The following TNFSF4 variants were observed in gnomAD, a reference collection of about 807,000 sequenced individuals.
TNFSF4 encodes the protein tumor necrosis factor ligand superfamily member 4.
TNFSF4 carries 4 observed loss-of-function variants against 7.3 expected under a neutral mutation model. The ratio of observed to expected loss-of-function variants is 0.55; its 90% confidence interval spans 0.27 to 1.25. The LOEUF (loss-of-function observed/expected upper bound fraction) is 1.25. Ranked by LOEUF, TNFSF4 falls within the 50% of genes most tolerant of loss-of-function variation. The pLI is 0.12. For missense variants in TNFSF4, 181 were observed against 208.8 expected, an observed-to-expected ratio of 0.87 and a Z score of 0.82; for synonymous variants, 76 against 83.7, an observed-to-expected ratio of 0.91 and a Z score of 0.50.
chr1:173,229,250 A>G, the TNFSF4 span, among the ~76,000 whole-genome samples: 2 of 152,238 alleles, frequency 1.3e-5, no homozygotes, highest in Non-Finnish European at 1.5e-5. Context: ...GAAACAATAC[A>G]AGCCAGAAGA....
At chr1:173,266,185 G>C in the TNFSF4 span, among the ~76,000 whole-genome samples, 3 of 152,254 alleles carry the variant, frequency 2.0e-5, no homozygotes, top group East Asian at 5.8e-4. Context: ...AGAATGTGAA[G>C]GATGAGTATG....
chr1:173,323,849 AT>A, the TNFSF4 span, among the ~76,000 whole-genome samples: 1 of 152,246 alleles, frequency 6.6e-6, no homozygotes, highest in South Asian at 2.1e-4. Flanking sequence ...CCTGCAAGAA[AT>A]ATGGGACTAT....
At chr1:173,387,706 T>C in the TNFSF4 span, among the ~76,000 whole-genome samples, 25 of 152,142 alleles carry the variant, frequency 1.6e-4, no homozygotes, top group Non-Finnish European at 8.8e-5. Context: ...GGCTAAAATA[T>C]CAGGTTTTTA....
At chr1:173,245,934 T>G in the TNFSF4 span, among the ~76,000 whole-genome samples, 3 of 152,270 alleles carry the variant, frequency 2.0e-5, no homozygotes, top group African/African-American at 7.2e-5. Flanking sequence ...ATTTTGTTGC[T>G]GAATAGTATT....
the TNFSF4 span, among the ~76,000 whole-genome samples, chr1:173,341,846 T>C: frequency 1.3e-5 from 2 of 152,128 alleles, no homozygotes; most frequent in Admixed American, 1.3e-4. Context: ...ACCTTACCAT[T>C]TCCTACCCTA....
At chr1:173,361,178 T>A in the TNFSF4 span, among the ~76,000 whole-genome samples, 1 of 152,182 alleles carries the variant, frequency 6.6e-6, no homozygotes, top group African/African-American at 2.4e-5. Context: ...AAACTGCCTT[T>A]TAAAATAGGT....
chr1:173,259,296 C>A, the TNFSF4 span, among the ~76,000 whole-genome samples: 1 of 148,924 alleles, frequency 6.7e-6, no homozygotes, highest in Non-Finnish European at 1.5e-5. Context: ...CAGAAAGCAA[C>A]AACAACAACA....
At chr1:173,421,833 T>A in the TNFSF4 span, among the ~76,000 whole-genome samples, 6 of 152,182 alleles carry the variant, frequency 3.9e-5, no homozygotes, top group Non-Finnish European at 4.4e-5. Flanking sequence ...TACAGTAATT[T>A]AGAACTACGC....
chr1:173,199,778 AT>A (rs1649861830), intron 1 of TNFSF4, among the ~76,000 whole-genome samples: 1 of 152,188 alleles, frequency 6.6e-6, no homozygotes, highest in South Asian at 2.1e-4. Context: ...CACTTAAGTA[AT>A]TCTTTGAATC....
At chr1:173,188,492 G>C (rs1649327144) in intron 2 of TNFSF4, 29 bp downstream of exon 2, 1 of 1,541,156 alleles carries the variant, frequency 6.5e-7, no homozygotes, top group Non-Finnish European at 9.0e-7. Context: ...TCAAAAATAT[G>C]AATCAATTAA....
the TNFSF4 span, among the ~76,000 whole-genome samples, chr1:173,310,020 T>G: frequency 6.6e-6 from 1 of 151,934 alleles, no homozygotes; most frequent in Non-Finnish European, 1.5e-5. Flanking sequence ...TCTGTACTAA[T>G]GTCACCTTTT....
At chr1:173,435,177 T>A in the TNFSF4 span, among the ~76,000 whole-genome samples, 1 of 152,086 alleles carries the variant, frequency 6.6e-6, no homozygotes. Context: ...AACCCCTATA[T>A]AGATGGACCC....
chr1:173,424,876 T>C, the TNFSF4 span, among the ~76,000 whole-genome samples: 6 of 152,230 alleles, frequency 3.9e-5, no homozygotes, highest in African/African-American at 1.4e-4. Flanking sequence ...TGAGCCTCAG[T>C]TGCTTCATCT....
the TNFSF4 span, among the ~76,000 whole-genome samples, chr1:173,401,013 T>C: frequency 6.9e-6 from 1 of 145,200 alleles, no homozygotes; most frequent in Non-Finnish European, 1.5e-5. Flanking sequence ...AATACAATTG[T>C]GTGTGTGCAT....
chr1:173,379,465 C>G, the TNFSF4 span, among the ~76,000 whole-genome samples: 1 of 152,292 alleles, frequency 6.6e-6, no homozygotes. Flanking sequence ...CCTCAAGTGG[C>G]TACAGAAGGC....
At chr1:173,412,613 A>C in the TNFSF4 span, among the ~76,000 whole-genome samples, 2 of 152,254 alleles carry the variant, frequency 1.3e-5, no homozygotes, top group Non-Finnish European at 2.9e-5. Context: ...CATATCCAAA[A>C]TAAAGAACTG....
the TNFSF4 span, among the ~76,000 whole-genome samples, chr1:173,216,662 T>C: frequency 2.0e-5 from 3 of 152,244 alleles, no homozygotes; most frequent in East Asian, 5.8e-4. Flanking sequence ...CCACACTCAT[T>C]ACCACTGTAT....
At chr1:173,378,887 C>A in the TNFSF4 span, among the ~76,000 whole-genome samples, 1 of 20,892 alleles carries the variant, frequency 4.8e-5, no homozygotes, top group African/African-American at 1.3e-4. Context: ...TCCCCCCCCA[C>A]CACAGGCTAT....
At chr1:173,331,034 A>G in the TNFSF4 span, among the ~76,000 whole-genome samples, 2 of 151,696 alleles carry the variant, frequency 1.3e-5, no homozygotes, top group African/African-American at 2.4e-5. Flanking sequence ...ACAGGCGCCC[A>G]CCACCATGCC....
Sources: allele counts gnomAD v4.1 joint callset (sites outside exome capture counted in the v4.1 genomes callset), GRCh38; gene constraint gnomAD v4.1.1; transcripts MANE v1.5; gene names NCBI Gene and HGNC (gene_info 2026-07-23, HGNC 2026-07-21).